The following ATP13A5 variants were observed in gnomAD, a reference collection of about 807,000 sequenced individuals.
The protein encoded by ATP13A5 is probable cation-transporting ATPase 13A5.
A neutral mutation model predicts 150.2 loss-of-function variants in ATP13A5; 149 were observed. The observed-to-expected ratio is 0.99, with a 90% CI of 0.87 to 1.14. The LOEUF (loss-of-function observed/expected upper bound fraction) is 1.14, where lower values mean the gene tolerates loss of function less well. ATP13A5 is among the 50% of genes most tolerant of loss of function. The pLI is 0.00. For missense variants in ATP13A5, 1,383 were observed against 1,449.3 expected, an observed-to-expected ratio of 0.95 and a Z score of 0.74; for synonymous variants, 497 against 522.2, an observed-to-expected ratio of 0.95 and a Z score of 0.66.
At chr3:193,307,544 G>A (rs564000420) in intron 21 of ATP13A5, 175 bp from the exon 22 acceptor site, 3 of 722,298 alleles carry the variant, frequency 4.2e-6, no homozygotes, top group South Asian at 3.5e-5. Context: ...AGAGGGAAAA[G>A]GCAGTTGCGT....
chr3:193,374,640 G>GACACACACACAC (rs113705500), intron 1 of ATP13A5, among the ~76,000 whole-genome samples: 2 of 93,144 alleles, frequency 2.1e-5, no homozygotes, highest in African/African-American at 8.2e-5. Context: ...GTAAGACCAT[G>GACACACACACAC]ACACACACAC....
chr3:193,334,826 T>C (rs1402887768), intron 10 of ATP13A5, 103 bp downstream of exon 10: 1 of 1,031,654 alleles, frequency 9.7e-7, no homozygotes, highest in Non-Finnish European at 1.4e-6. Flanking sequence ...ATGTTGTTAC[T>C]ACCAGAATGT....
intron 21 of ATP13A5, among the ~76,000 whole-genome samples, chr3:193,309,795 C>T (rs1718769876): frequency 1.3e-5 from 2 of 152,184 alleles, no homozygotes; most frequent in South Asian, 4.1e-4. Flanking sequence ...ACTGAGCATT[C>T]AACATGTGAA....
chr3:193,279,500 C>T, intron 27 of ATP13A5, 46 bp from the exon 28 acceptor site: 2 of 1,524,874 alleles, frequency 1.3e-6, no homozygotes. Flanking sequence ...AAGAATGTTT[C>T]ATATAATTTG....
intron 21 of ATP13A5, among the ~76,000 whole-genome samples, chr3:193,309,517 G>GT (rs1718757207): frequency 3.3e-5 from 5 of 152,118 alleles, no homozygotes; most frequent in Non-Finnish European, 7.3e-5. Context: ...CACGCCCTGT[G>GT]TAATCCACTC....
chr3:193,357,070 T>C (rs2108896162), intron 5 of ATP13A5, among the ~76,000 whole-genome samples: 1 of 152,256 alleles, frequency 6.6e-6, no homozygotes, highest in Non-Finnish European at 1.5e-5. Context: ...TGACTCGGCT[T>C]CCCAAAATGC....
chr3:193,322,486 C>A lies in ATP13A5; in HGVS notation c.1758+5G>T. 1 of 1,609,326 alleles carries A rather than the reference C, an allele frequency of 6.2e-7. No homozygotes were observed. On this transcript the variant is annotated splice_donor_5th_base_variant and intron_variant, in intron 15 of 29. Coordinates refer to ENST00000342358, the MANE Select transcript of ATP13A5 (RefSeq NM_198505.4). ...AGCTATGTGATGTAAAGAAGGAAAT[C>A]ATACCTTACTGGCTTTTGGTCCTGG...
intron 12 of ATP13A5, among the ~76,000 whole-genome samples, chr3:193,327,811 G>A (rs1228074368): frequency 6.6e-6 from 1 of 152,184 alleles, no homozygotes; most frequent in Non-Finnish European, 1.5e-5. Context: ...TAGGCTAACA[G>A]TTTTAGGCCT....
chr3:193,337,396 T>G (rs1711921480), intron 9 of ATP13A5, among the ~76,000 whole-genome samples: 1 of 152,218 alleles, frequency 6.6e-6, no homozygotes, highest in South Asian at 2.1e-4. Context: ...CTTTAATCCA[T>G]CTTGAATTAA....
chr3:193,319,331 A>G (rs1021455463), intron 16 of ATP13A5, among the ~76,000 whole-genome samples: 3 of 152,238 alleles, frequency 2.0e-5, no homozygotes, highest in Admixed American at 6.5e-5. Flanking sequence ...TTACTGCGTT[A>G]TGGATGGAAT....
intron 25 of ATP13A5, among the ~76,000 whole-genome samples, chr3:193,293,998 G>A (rs1718068707): frequency 1.3e-5 from 2 of 152,046 alleles, no homozygotes; most frequent in South Asian, 4.1e-4. Context: ...GCCTAGAGGT[G>A]GGCATCTAAC....
At chr3:193,305,246 C>T (rs1224914731) in intron 23 of ATP13A5, among the ~76,000 whole-genome samples, 1 of 152,154 alleles carries the variant, frequency 6.6e-6, no homozygotes, top group Non-Finnish European at 1.5e-5. Context: ...AGAAATGTTA[C>T]AGGAAGCATC....
chr3:193,352,985 G>A (rs911729819), intron 6 of ATP13A5, among the ~76,000 whole-genome samples: 8 of 152,058 alleles, frequency 5.3e-5, no homozygotes, highest in African/African-American at 1.9e-4. Context: ...TGTCCCTTAG[G>A]TGGCTGAGGA....
intron 6 of ATP13A5, among the ~76,000 whole-genome samples, 184 bp downstream of exon 6, chr3:193,353,943 G>A (rs930163484): frequency 4.6e-5 from 7 of 151,658 alleles, no homozygotes; most frequent in African/African-American, 1.7e-4. Context: ...TATGAGGCAG[G>A]AATCTGTCTC....
intron 23 of ATP13A5, 41 bp downstream of exon 23, chr3:193,305,518 G>C (rs1222825161): frequency 6.9e-7 from 1 of 1,446,544 alleles, no homozygotes; most frequent in Admixed American, 1.7e-5. Context: ...CAGACAATGG[G>C]CCCATTGATT....
At chr3:193,326,521 G>GATTATATAAA (rs1261114640) in intron 13 of ATP13A5, among the ~76,000 whole-genome samples, 6 of 152,204 alleles carry the variant, frequency 3.9e-5, no homozygotes, top group African/African-American at 9.6e-5. Flanking sequence ...TAAAAGTCAG[G>GATTATATAAA]ACTTTGTGTT....
At chr3:193,348,923 TG>T in intron 7 of ATP13A5, among the ~76,000 whole-genome samples, 1 of 152,334 alleles carries the variant, frequency 6.6e-6, no homozygotes, top group Admixed American at 6.5e-5. Flanking sequence ...CCACTGTTAC[TG>T]GGTGAGTGTG....
intron 23 of ATP13A5, 57 bp from the exon 24 acceptor site, chr3:193,301,364 T>A: frequency 1.5e-6 from 2 of 1,321,354 alleles, no homozygotes; most frequent in Non-Finnish European, 2.2e-6. Flanking sequence ...GTCTCCCAAC[T>A]TCTTTTATAC....
chr3:193,350,235 A>G (rs1340639179), intron 7 of ATP13A5, among the ~76,000 whole-genome samples: 1 of 152,152 alleles, frequency 6.6e-6, no homozygotes, highest in African/African-American at 2.4e-5. Flanking sequence ...CACTTAATAG[A>G]GTAAAATGAA....
Sources: gnomAD v4.1 joint callset for allele counts (sites outside exome capture counted in the v4.1 genomes callset) on GRCh38, gnomAD v4.1.1 for gene constraint, MANE v1.5 for transcripts, NCBI Gene and HGNC (gene_info 2026-07-23, HGNC 2026-07-21) for gene names.